Variants in ACVR1 observed in about 807,000 individuals in gnomAD.
ACVR1 encodes the protein activin receptor type-1.
Under a neutral mutation model 57.1 loss-of-function variants are expected in ACVR1, and 38 were observed. That is an observed-to-expected ratio of 0.67 (90% CI 0.51 to 0.87). The LOEUF is 0.87. Among genes scored for constraint, ACVR1 ranks in the 40% least tolerant of loss-of-function variants. ACVR1 has a pLI of 0.00. For synonymous variants in ACVR1, 212 were observed against 228.1 expected (o/e 0.93, Z 0.63); for missense variants, 463 against 638.2 (o/e 0.73, Z 2.96).
intron 9 of ACVR1, among the ~76,000 whole-genome samples, chr2:157,750,500 T>C (rs558902322): frequency 1.3e-5 from 2 of 152,286 alleles, no homozygotes; most frequent in South Asian, 2.1e-4. Flanking sequence ...ACACCACTGA[T>C]GCCAATTACA....
At chr2:157,778,734 C>A (rs908263512) in intron 4 of ACVR1, among the ~76,000 whole-genome samples, 8 of 152,186 alleles carry the variant, frequency 5.3e-5, no homozygotes, top group African/African-American at 1.9e-4. Flanking sequence ...CCAAATTACC[C>A]ATCTGTGGTC....
At position 157,811,906 on chromosome 2, in the gene ACVR1, G is replaced by C. The variant is rs535154538; in HGVS notation, c.-8+6479C>G. On this transcript the variant is annotated intron_variant, in intron 2 of 10. Coordinates refer to ENST00000434821, the MANE Select transcript of ACVR1 (RefSeq NM_001111067.4). ...GCATTGTGGCACTTCTGAGAATACT[G>C]TGTGTATAATGTGGAAGAAAGCAAA... Among the ~76,000 whole-genome samples, 22 of 152,342 alleles carry C rather than the reference G, an allele frequency of 1.4e-4. No individual in the cohort carries two copies. The East Asian group carries it at 2.5e-3, about 17-fold the overall frequency.
chr2:157,783,948 C>T (rs556575491), intron 3 of ACVR1, among the ~76,000 whole-genome samples: 5 of 152,338 alleles, frequency 3.3e-5, no homozygotes, highest in African/African-American at 7.2e-5. Flanking sequence ...CACTCACATT[C>T]GCTACGTGCC....
At position 157,821,572 on chromosome 2, in the gene ACVR1, A is replaced by G. The variant is rs189825538; in HGVS notation, c.-182-3013T>C. Among the ~76,000 whole-genome samples, 226 of 152,320 alleles carry G rather than the reference A, an allele frequency of 1.5e-3. 1 individual carries two copies. Among genetic ancestry groups the G allele is most frequent in the Non-Finnish European group, 2.8e-3 (190 of 68,032 alleles). On this transcript the variant is annotated intron_variant, in intron 1 of 10. Transcript: ENST00000434821. ...ATAAAATAAAAAAATCAGTGCCATG[A>G]AATGAATATCTATATAGTAAACTCT...
chr2:157,738,891 G>A (rs534033354), intron 9 of ACVR1, among the ~76,000 whole-genome samples: 2 of 152,306 alleles, frequency 1.3e-5, no homozygotes, highest in African/African-American at 4.8e-5. Context: ...CAGGGCACTG[G>A]AGACATAGAA....
rs532210107 is a variant in ACVR1, at chr2:157,741,637, A to G, written c.1265-3067T>C. Among the ~76,000 whole-genome samples, 10 of 152,006 alleles carry G rather than the reference A, an allele frequency of 6.6e-5. No homozygotes were observed. The East Asian group carries it at 1.4e-3, about 21-fold the overall frequency. ...AGACTCTGTCTCCAAAAAGAAAAAA[A>G]AAAAAGAAAAAAGAAAAGAAAAAGA... On this transcript the variant is annotated intron_variant, in intron 9 of 10. Transcript: ENST00000434821.
intron 5 of ACVR1, 98 bp from the exon 6 acceptor site, chr2:157,774,285 G>T: frequency 1.1e-6 from 1 of 935,022 alleles, no homozygotes; most frequent in Non-Finnish European, 1.7e-6. Context: ...ATGAAGGGCA[G>T]CAATCCGGGA....
At position 157,770,445 on chromosome 2, in the gene ACVR1, GAGA is replaced by G; in HGVS notation, c.710_712del (p.Phe237del). The G allele has an allele frequency of 6.2e-7, 1 of 1,614,014 alleles. No homozygotes were observed. Among genetic ancestry groups the G allele is most frequent in the Non-Finnish European group, 8.5e-7 (1 of 1,179,954 alleles). ...GAACCATGACTTCTCATCACGGGAG[GAGA>G]AGATCTTCACGGCAACATTCTCCCC... On this transcript the variant is annotated inframe_deletion, in exon 7 of 11. Transcript: ENST00000434821.
At position 157,850,342 on chromosome 2, in the gene ACVR1, A is replaced by G. The variant is rs192611185; in HGVS notation, c.-183+25454T>C. Among the ~76,000 whole-genome samples, 5 of 152,034 alleles carry G rather than the reference A, an allele frequency of 3.3e-5. 1 individual carries two copies. Among genetic ancestry groups the G allele is most frequent in the Admixed American group, 3.3e-4 (5 of 15,278 alleles). On this transcript the variant is annotated intron_variant, in intron 1 of 10. Transcript: ENST00000434821. ...TAGGCAGAGGTTGCAGTGAGCTGAG[A>G]TCGTGCCAATGTACTCCAGCCTGGG...
rs1574031031 is a variant in ACVR1 at position 157,760,923 on chromosome 2, A to G, written c.1221T>C (p.Phe407=). Residue 407 remains phenylalanine (F), a synonymous_variant, in exon 9 of 11, where the codon TTT becomes TTC. Coordinates refer to ENST00000434821, the MANE Select transcript of ACVR1 (RefSeq NM_001111067.4). Reference sequence around the variant, plus strand: ...TGGCCACTTCCCACAAAACAAGTCCAAAGGCCCAAATATCGACCCTTTTAT... The same window carrying G: ...TGGCCACTTCCCACAAAACAAGTCCGAAGGCCCAAATATCGACCCTTTTAT... ...DSYKRVDIWA[F]GLVLWEVARR... 1 of 1,614,176 alleles carries G rather than the reference A, an allele frequency of 6.2e-7. No individual in the cohort carries two copies. The highest frequency in any genetic ancestry group is 2.2e-5 in the East Asian group (1 of 44,882).
chr2:157,803,342 A>C (rs1272175728), intron 2 of ACVR1, among the ~76,000 whole-genome samples: 1 of 152,192 alleles, frequency 6.6e-6, no homozygotes, highest in Non-Finnish European at 1.5e-5. Flanking sequence ...ACAGCTCAAA[A>C]TCTGCCAAAA....
chr2:157,857,576 A>G (rs1689578476), intron 1 of ACVR1, among the ~76,000 whole-genome samples: 1 of 152,142 alleles, frequency 6.6e-6, no homozygotes, highest in Non-Finnish European at 1.5e-5. Flanking sequence ...AAATAAAATA[A>G]TATCATTTTC....
intron 1 of ACVR1, among the ~76,000 whole-genome samples, chr2:157,829,268 C>T (rs1688502072): frequency 6.6e-6 from 1 of 152,196 alleles, no homozygotes; most frequent in African/African-American, 2.4e-5. Context: ...ATCTACTAAT[C>T]TTTCTTTATG....
At chr2:157,825,040 C>T (rs907024223) in intron 1 of ACVR1, among the ~76,000 whole-genome samples, 4 of 152,120 alleles carry the variant, frequency 2.6e-5, no homozygotes, top group African/African-American at 4.8e-5. Flanking sequence ...GAGATTACCA[C>T]GCCCAGCCAC....
intron 2 of ACVR1, among the ~76,000 whole-genome samples, chr2:157,810,456 G>A (rs916887304): frequency 6.6e-6 from 1 of 152,182 alleles, no homozygotes; most frequent in Non-Finnish European, 1.5e-5. Flanking sequence ...ATAAGAACTT[G>A]AGAAGGAAAG....
At chr2:157,765,839 G>A in intron 8 of ACVR1, 82 bp downstream of exon 8, 4 of 1,438,250 alleles carry the variant, frequency 2.8e-6, no homozygotes, top group Non-Finnish European at 3.9e-6. Flanking sequence ...TGCATAACAT[G>A]TTGTGGGGGA....
chr2:157,828,281 C>G (rs1208574009), intron 1 of ACVR1, among the ~76,000 whole-genome samples: 1 of 151,950 alleles, frequency 6.6e-6, no homozygotes, highest in Non-Finnish European at 1.5e-5. Context: ...AACCCCGTCT[C>G]TACAAAAATA....
intron 5 of ACVR1, among the ~76,000 whole-genome samples, chr2:157,775,547 A>G (rs1377780154): frequency 6.6e-6 from 1 of 152,232 alleles, no homozygotes; most frequent in Non-Finnish European, 1.5e-5. Context: ...ACTGTGAAGT[A>G]CTGTTGATCG....
chr2:157,830,345 T>C (rs1438485586), intron 1 of ACVR1, among the ~76,000 whole-genome samples: 2 of 151,904 alleles, frequency 1.3e-5, no homozygotes, highest in Admixed American at 1.3e-4. Context: ...GAAAAAGAAA[T>C]AATAATGCTA....
Sources: allele counts gnomAD v4.1 joint callset (sites outside exome capture counted in the v4.1 genomes callset), GRCh38; gene constraint gnomAD v4.1.1; transcripts MANE v1.5; gene names NCBI Gene and HGNC (gene_info 2026-07-23, HGNC 2026-07-21).